The following HERC2 variants were observed in gnomAD, a reference collection of about 807,000 sequenced individuals.
HERC2 encodes the protein E3 ubiquitin-protein ligase HERC2.
Under a neutral mutation model 537.7 loss-of-function variants are expected in HERC2, and 102 were observed. The observed-to-expected ratio is 0.19, with a 90% CI of 0.16 to 0.22. The LOEUF (loss-of-function observed/expected upper bound fraction) is 0.22. Among genes scored for constraint, HERC2 ranks in the 10% least tolerant of loss-of-function variants. The pLI is 1.00. For missense variants in HERC2, 4,236 were observed against 6,198.2 expected (o/e 0.68, Z 10.63); for synonymous variants, 2,224 against 2,466.2 (o/e 0.90, Z 2.91).
chr15:28,319,477 C>T (rs1402343493), intron 2 of HERC2, among the ~76,000 whole-genome samples: 1 of 149,398 alleles, frequency 6.7e-6, no homozygotes, highest in Non-Finnish European at 1.5e-5. Context: ...CCCAGCTACT[C>T]GGAAGGCTGA....
chr15:28,113,202 T>C lies in HERC2; in HGVS notation c.14101A>G (p.Ile4701Val). ...TCCATCACCTCCCAGAACCACTGGA[T>C]CAGCGATGCGGAAGGCTCGATGCCT... ...YKGIEPSASL[I>V]QWFWEVMESF... The change falls in exon 92 of 93, where the codon ATC becomes GTC. Residue 4701 changes from isoleucine (I) to valine (V), a missense_variant. By Grantham distance (29) the Ile-to-Val change is conservative. Transcript: ENST00000261609. The surrounding 1 kb of genome is among the most constrained non-coding windows in gnomAD (Gnocchi z 7.0). 6.2e-7 allele frequency: 1 copy of C among 1,614,116 alleles called. No individual in the cohort carries two copies. Among genetic ancestry groups the C allele is most frequent in the Non-Finnish European group, 8.5e-7 (1 of 1,180,022 alleles).
intron 78 of HERC2, 80 bp downstream of exon 78, chr15:28,141,352 C>T (rs1428159297): frequency 8.3e-6 from 10 of 1,204,724 alleles, no homozygotes; most frequent in Admixed American, 1.7e-5. Flanking sequence ...GATCCTTGCA[C>T]GTGCTAAGAA....
chr15:28,157,830 G>A (rs1893170526), intron 69 of HERC2, among the ~76,000 whole-genome samples: 1 of 152,100 alleles, frequency 6.6e-6, no homozygotes, highest in Non-Finnish European at 1.5e-5. Context: ...TAATTGTGAT[G>A]TTAGGGTGTC....
intron 78 of HERC2, among the ~76,000 whole-genome samples, chr15:28,140,213 C>T (rs1003345755): frequency 9.2e-5 from 14 of 152,082 alleles, no homozygotes; most frequent in Non-Finnish European, 1.6e-4. Flanking sequence ...TACTCAAACC[C>T]CACTGGAAGC....
chr15:28,272,969 C>A lies in HERC2; in HGVS notation c.836G>T (p.Gly279Val). 2 of 1,612,526 alleles carry A rather than the reference C, an allele frequency of 1.2e-6. No individual in the cohort carries two copies. The highest frequency in any genetic ancestry group is 2.2e-5 in the South Asian group (2 of 91,008). Residue 279 changes from glycine to valine, a missense_variant, in exon 8 of 93, where the codon GGA (glycine) becomes GTA (valine). Gly to Val is a moderately radical substitution (Grantham distance 109). Transcript: ENST00000261609. ...GTGCTGGTCCTGCAGGGGGATGCTT[C>A]CTGGCCCTTTGGTGGCTGGCGTTCC... ...VHGTPATKGP[G>V]SIPLQDQHLA...
In HERC2 at chr15:28,117,212, C is replaced by T. The variant is rs764125894; in HGVS notation, c.13273-58G>A. 19 of 1,537,592 alleles carry T rather than the reference C, an allele frequency of 1.2e-5. No homozygotes were observed. The African/African-American group carries it at 1.4e-4, about 11-fold the overall frequency. On this transcript the variant is annotated intron_variant, in intron 86 of 92. Coordinates refer to ENST00000261609, the MANE Select transcript of HERC2 (RefSeq NM_004667.6). ...GCTGCCGCAGCAGGAAGCACACAGT[C>T]GGGGATATGCGGCACTGGCGAATGC...
chr15:28,184,024 C>CA (rs893623570), intron 56 of HERC2, among the ~76,000 whole-genome samples: 12 of 151,172 alleles, frequency 7.9e-5, no homozygotes, highest in East Asian at 3.9e-4. Context: ...CTCATTTCTA[C>CA]AAAAAAAATA....
At chr15:28,117,818 G>A (rs1888446318) in intron 86 of HERC2, 1 of 347,824 alleles carries the variant, frequency 2.9e-6, no homozygotes, top group Non-Finnish European at 5.7e-6. Flanking sequence ...AATTCCCAAA[G>A]ACACCAGGGC....
rs369782972 is a variant in HERC2, at chr15:28,142,240, C to T, written c.11698G>A (p.Glu3900Lys). ...RTPLPRLFLD[E>K]VAKKIRELMA... The stretch of plus-strand genomic sequence containing the variant: ...GATTCCAAAATATCATGCAATACCT[C>T]ATCAAGAAACAGACGGGGCAACGGT... The change falls in exon 76 of 93, where the codon GAG becomes AAG. Residue 3900 changes from glutamate to lysine, a missense_variant and splice_region_variant. Coordinates refer to ENST00000261609, the MANE Select transcript of HERC2 (RefSeq NM_004667.6). The T allele has an allele frequency of 4.2e-5, 67 of 1,613,874 alleles. No homozygotes were observed. Among genetic ancestry groups the T allele is most frequent in the Admixed American group, 6.7e-5 (4 of 59,964 alleles).
Position 28,190,948 on chromosome 15 carries a change from C to A in HERC2, c.8649+17G>T. On this transcript the variant is annotated intron_variant, in intron 55 of 92. Coordinates refer to ENST00000261609, the MANE Select transcript of HERC2 (RefSeq NM_004667.6). ...ATCTGTAAATCATCCAAATGGAACA[C>A]TAGCATAGCTACTTACCTCTGTGCA... 6.5e-7 allele frequency: 1 copy of A among 1,536,356 alleles called. No individual in the cohort carries two copies. Among genetic ancestry groups the A allele is most frequent in the South Asian group, 1.1e-5 (1 of 89,578 alleles).
rs752374613 is a variant in HERC2 at position 28,233,749 on chromosome 15, G to C, written c.4266C>G (p.Thr1422=). The C allele has an allele frequency of 1.2e-6, 2 of 1,612,392 alleles. No homozygotes were observed. The highest frequency in any genetic ancestry group is 3.3e-5 in the Admixed American group (2 of 59,998). ...GCTCGGGGGGAAACATGATCGGTGT[G>C]GTCAAATGGCACTGCCTACAGTACC... The part of the protein sequence containing the change: ...IERYCRQCHL[T]TPIMFPPEHP... The change falls in exon 28 of 93, where the codon ACC becomes ACG. Residue 1422 remains threonine (T), a synonymous_variant. Coordinates refer to ENST00000261609, the MANE Select transcript of HERC2 (RefSeq NM_004667.6).
chr15:28,187,435 G>A (rs998122777), intron 55 of HERC2, among the ~76,000 whole-genome samples: 4 of 151,928 alleles, frequency 2.6e-5, no homozygotes, highest in Non-Finnish European at 4.4e-5. Flanking sequence ...GGGTTCAAGC[G>A]ATTCTCCAAC....
intron 69 of HERC2, among the ~76,000 whole-genome samples, chr15:28,162,426 GA>G (rs1555411463): frequency 6.6e-6 from 1 of 151,706 alleles, no homozygotes; most frequent in Non-Finnish European, 1.5e-5. Flanking sequence ...AGGCATAAAT[GA>G]AAAAAACTGA....
Sources: gnomAD v4.1 joint callset for allele counts (sites outside exome capture counted in the v4.1 genomes callset) on GRCh38, gnomAD v4.1.1 for gene constraint, Gnocchi (gnomAD v3.1) non-coding constraint, MANE v1.5 for transcripts, NCBI Gene and HGNC (gene_info 2026-07-23, HGNC 2026-07-21) for gene names.